Variants in CACNG4 observed in about 807,000 individuals in gnomAD.
CACNG4 encodes voltage-dependent calcium channel gamma-4 subunit.
A neutral mutation model predicts 22.9 loss-of-function variants in CACNG4; 8 were observed. The observed-to-expected ratio is 0.35, with a 90% CI of 0.21 to 0.63. The LOEUF (loss-of-function observed/expected upper bound fraction) is 0.63, where lower values mean the gene tolerates loss of function less well. Ranked by LOEUF, CACNG4 falls within the 30% of genes least tolerant of loss-of-function variation. The pLI is 0.72. For missense variants in CACNG4, 357 were observed against 455.4 expected (o/e 0.78, Z 1.97); for synonymous variants, 188 against 191.9 (o/e 0.98, Z 0.17).
chr17:66,965,277 G>A (rs1567747527), intron 1 of CACNG4, 146 bp downstream of exon 1: 4 of 569,002 alleles, frequency 7.0e-6, no homozygotes, highest in Non-Finnish European at 9.0e-6. Flanking sequence ...CGCGGCGCTG[G>A]CTCCGCGCGA....
chr17:67,009,507 C>CT (rs1372091772), intron 1 of CACNG4, among the ~76,000 whole-genome samples: 4,790 of 152,282 alleles, frequency 0.031, 251 homozygotes, highest in African/African-American at 0.11. Flanking sequence ...AGAAGGGTAC[C>CT]TCCCTGGGCC....
At chr17:67,028,445 C>G (rs2035581432) in intron 3 of CACNG4, among the ~76,000 whole-genome samples, 1 of 151,834 alleles carries the variant, frequency 6.6e-6, no homozygotes, top group Admixed American at 6.6e-5. Context: ...CCCAGCTACT[C>G]AGGAGGCTGA....
At chr17:67,017,718 A>G (rs1395728045) in intron 1 of CACNG4, among the ~76,000 whole-genome samples, 1 of 151,878 alleles carries the variant, frequency 6.6e-6, no homozygotes, top group Non-Finnish European at 1.5e-5. Flanking sequence ...GGGTTTCACC[A>G]TGTTGGCCAG....
intron 1 of CACNG4, among the ~76,000 whole-genome samples, chr17:67,000,430 T>C (rs1251398940): frequency 1.3e-5 from 2 of 151,872 alleles, no homozygotes; most frequent in East Asian, 3.9e-4. Flanking sequence ...TTTTTTTAAA[T>C]GCAAGCAAAA....
rs190085444 is a variant in CACNG4 at position 67,025,488 on chromosome 17, C to T, written c.445+488C>T. Among the ~76,000 whole-genome samples the T allele has an allele frequency of 2.2e-4, 34 of 152,368 alleles. No homozygotes were observed. In the East Asian group the frequency reaches 3.7e-3, roughly 16 times the overall value. ...AGACAGGGCGAGGGCCCGGAATGGG[C>T]ATGAGTGGCCGTCTTGCAGAGGAAG... is the stretch of plus-strand genomic sequence containing the variant. On this transcript the variant is annotated intron_variant, in intron 3 of 3. Coordinates refer to ENST00000262138, the MANE Select transcript of CACNG4 (RefSeq NM_014405.4).
At position 66,971,160 on chromosome 17, in the gene CACNG4, C is replaced by T. The variant is rs139162664; in HGVS notation, c.220+6029C>T. ...CTCTCACTCTCTGTCATACAAACCCCGGAAAGCCTCTGCCCATAGCTTCCA... is the reference window on the plus strand; with the variant it reads ...CTCTCACTCTCTGTCATACAAACCCTGGAAAGCCTCTGCCCATAGCTTCCA... On this transcript the variant is annotated intron_variant, in intron 1 of 3. Coordinates refer to ENST00000262138, the MANE Select transcript of CACNG4 (RefSeq NM_014405.4). 8.9e-3 allele frequency among the ~76,000 whole-genome samples: 1,349 copies of T among 152,188 alleles called. 8 individuals carry two copies. Among genetic ancestry groups the T allele is most frequent in the Middle Eastern group, 0.061 (18 of 294 alleles).
chr17:67,024,226 C>G (rs1336536892), intron 2 of CACNG4, among the ~76,000 whole-genome samples: 1 of 152,196 alleles, frequency 6.6e-6, no homozygotes, highest in Non-Finnish European at 1.5e-5. Context: ...TGATGATGAT[C>G]AAGGTATAGA....
intron 1 of CACNG4, among the ~76,000 whole-genome samples, chr17:66,988,810 G>A (rs1173420887): frequency 6.6e-6 from 1 of 152,158 alleles, no homozygotes; most frequent in Non-Finnish European, 1.5e-5. Flanking sequence ...TGTGATCTCT[G>A]CACTTTGAGA....
In CACNG4 at chr17:66,965,016, C is replaced by T. The variant is rs373597428; in HGVS notation, c.105C>T (p.Tyr35=). ...CCATCGGCACCGACTACTGGCTGTA[C>T]TCCAGCGCGCACATCTGCAACGGCA... The part of the protein sequence containing the change: ...AIAIGTDYWL[Y]SSAHICNGTN... The change falls in exon 1 of 4, where the codon TAC becomes TAT. Residue 35 remains tyrosine (Y), a synonymous_variant. Transcript: ENST00000262138. 2.2e-5 allele frequency: 35 copies of T among 1,611,490 alleles called. No individual in the cohort carries two copies. The highest frequency in any genetic ancestry group is 1.6e-4 in the East Asian group (7 of 44,728).
chr17:67,005,273 C>T (rs1033372015), intron 1 of CACNG4, among the ~76,000 whole-genome samples: 1 of 152,202 alleles, frequency 6.6e-6, no homozygotes, highest in African/African-American at 2.4e-5. Flanking sequence ...GCCCAGGAGC[C>T]TTGGCTGGGG....
chr17:67,026,487 G>A (rs1197231681), intron 3 of CACNG4, among the ~76,000 whole-genome samples: 1 of 116,920 alleles, frequency 8.6e-6, no homozygotes, highest in African/African-American at 4.2e-5. Flanking sequence ...GGGTGTGTCT[G>A]TATTTGAGGA....
At chr17:67,011,533 G>A (rs2035467992) in intron 1 of CACNG4, among the ~76,000 whole-genome samples, 1 of 152,184 alleles carries the variant, frequency 6.6e-6, no homozygotes, top group Non-Finnish European at 1.5e-5. Context: ...CCACCAGAAT[G>A]AGAGCTCCGT....
chr17:66,997,312 A>T (rs1165726181), intron 1 of CACNG4, among the ~76,000 whole-genome samples: 3 of 152,138 alleles, frequency 2.0e-5, no homozygotes, highest in East Asian at 3.9e-4. Context: ...TACAGGCCGG[A>T]TGAGGAAGAG....
At chr17:66,991,357 A>C (rs1471912789) in intron 1 of CACNG4, among the ~76,000 whole-genome samples, 1 of 152,150 alleles carries the variant, frequency 6.6e-6, no homozygotes, top group Non-Finnish European at 1.5e-5. Flanking sequence ...CACTTCCGAA[A>C]GACCTCTCCT....
intron 1 of CACNG4, among the ~76,000 whole-genome samples, chr17:67,001,380 C>A (rs771894679): frequency 6.6e-6 from 1 of 152,162 alleles, no homozygotes; most frequent in Non-Finnish European, 1.5e-5. Flanking sequence ...GTCCCCTCCC[C>A]CTGGTTCTCT....
At chr17:67,005,423 C>T (rs747238478) in intron 1 of CACNG4, among the ~76,000 whole-genome samples, 1 of 152,206 alleles carries the variant, frequency 6.6e-6, no homozygotes, top group Non-Finnish European at 1.5e-5. Flanking sequence ...CGGCCCACTC[C>T]CTCTCCACCC....
At chr17:67,003,195 G>T (rs1259348317) in intron 1 of CACNG4, among the ~76,000 whole-genome samples, 3 of 151,906 alleles carry the variant, frequency 2.0e-5, no homozygotes, top group African/African-American at 4.8e-5. Context: ...GCATACAATT[G>T]TTTAATCCCC....
intron 1 of CACNG4, among the ~76,000 whole-genome samples, chr17:67,004,681 G>A (rs181501213): frequency 1.3e-5 from 2 of 152,256 alleles, no homozygotes; most frequent in Admixed American, 1.3e-4. Context: ...GAGTTCTGCC[G>A]GTTGCAAGCA....
intron 1 of CACNG4, among the ~76,000 whole-genome samples, chr17:67,008,671 T>G (rs2035451073): frequency 6.6e-6 from 1 of 152,150 alleles, no homozygotes; most frequent in South Asian, 2.1e-4. Flanking sequence ...GGAGACAGGC[T>G]CTTTACAGAG....
Sources: allele counts gnomAD v4.1 joint callset (sites outside exome capture counted in the v4.1 genomes callset), GRCh38; gene constraint gnomAD v4.1.1; transcripts MANE v1.5; gene names NCBI Gene and HGNC (gene_info 2026-07-23, HGNC 2026-07-21).